The following LRGUK variants were observed in gnomAD, a reference collection of about 807,000 sequenced individuals.
LRGUK encodes leucine-rich repeat and guanylate kinase domain-containing protein.
Under a neutral mutation model 76.0 loss-of-function variants are expected in LRGUK, and 65 were observed. The ratio of observed to expected loss-of-function variants is 0.85; its 90% CI spans 0.70 to 1.05. LRGUK has a LOEUF of 1.05. Among genes scored for constraint, LRGUK ranks in the 50% least tolerant of loss-of-function variants. The probability of loss-of-function intolerance (pLI) is 0.00; values close to 1 mark genes in which losing one functional copy is unlikely to be tolerated. For synonymous variants in LRGUK, 268 were observed against 265.6 expected (o/e 1.01, Z -0.09); for missense variants, 758 against 732.8 (o/e 1.03, Z -0.40).
intron 1 of LRGUK, among the ~76,000 whole-genome samples, chr7:134,131,911 GCCA>G (rs1423128027): frequency 6.6e-6 from 1 of 152,126 alleles, no homozygotes; most frequent in Non-Finnish European, 1.5e-5. Flanking sequence ...GAGGGAAAAG[GCCA>G]CGAATAGACC....
intron 16 of LRGUK, among the ~76,000 whole-genome samples, chr7:134,238,182 T>C (rs1802058123): frequency 1.3e-5 from 2 of 152,340 alleles, no homozygotes; most frequent in East Asian, 3.9e-4. Flanking sequence ...AACACTGCTC[T>C]AGTTTTTTGT....
At chr7:134,192,990 T>A (rs1379099135) in intron 12 of LRGUK, among the ~76,000 whole-genome samples, 1 of 152,202 alleles carries the variant, frequency 6.6e-6, no homozygotes, top group Non-Finnish European at 1.5e-5. Flanking sequence ...GGCTTATTCT[T>A]CATTGTACAA....
chr7:134,249,032 T>C (rs1478770434), exon 18 of LRGUK: 1 of 1,599,688 alleles, frequency 6.3e-7, no homozygotes, highest in Non-Finnish European at 8.5e-7. Flanking sequence ...TTGATCTTTG[T>C]GAAGACTATT....
intron 7 of LRGUK, among the ~76,000 whole-genome samples, chr7:134,165,461 C>T (rs888993302): frequency 2.6e-5 from 4 of 152,076 alleles, no homozygotes; most frequent in African/African-American, 9.7e-5. Flanking sequence ...GTTGTAATGC[C>T]CCAATACAGT....
In LRGUK at chr7:134,221,780, T is replaced by TG; in HGVS notation, c.1846dup (p.Val616GlyfsTer2). 4 of 1,515,132 alleles carry TG rather than the reference T, an allele frequency of 2.6e-6. No individual in the cohort carries two copies. Among genetic ancestry groups the TG allele is most frequent in the Non-Finnish European group, 3.5e-6 (4 of 1,136,776 alleles). The allele number at this position is 1,515,132 out of a possible 1,614,324, so 93.9% of individuals were successfully genotyped here. Reference sequence around the variant, plus strand: ...AACTTTATTTTTTTTTCCTACCAGATGTTAAGACATCCCACCTGAAACCTG... The same window carrying TG: ...AACTTTATTTTTTTTTCCTACCAGATGGTTAAGACATCCCACCTGAAACCTG... On this transcript the variant is annotated frameshift_variant and splice_region_variant, in exon 16 of 20. Coordinates refer to the LRGUK transcript ENST00000285928. LOFTEE classifies it high-confidence loss of function.
At chr7:134,219,058 A>C (rs1440671929) in intron 15 of LRGUK, among the ~76,000 whole-genome samples, 3 of 152,228 alleles carry the variant, frequency 2.0e-5, no homozygotes. Context: ...AGTAGTTTAT[A>C]CATATTAAAA....
At chr7:134,209,151 C>T in exon 16 of LRGUK, 1 of 399,400 alleles carries the variant, frequency 2.5e-6, no homozygotes, top group Non-Finnish European at 4.4e-6. Context: ...CCTTCCCCTC[C>T]CTCGTCCCGC....
chr7:134,247,525 A>G (rs371563782), intron 16 of LRGUK, 31 bp from the exon 17 acceptor site: 125 of 1,493,568 alleles, frequency 8.4e-5, no homozygotes, highest in Non-Finnish European at 1.1e-4. Context: ...TTTAACATCA[A>G]TGCAATTTTC....
chr7:134,240,197 G>A (rs1802108914), intron 16 of LRGUK, among the ~76,000 whole-genome samples: 1 of 152,226 alleles, frequency 6.6e-6, no homozygotes, highest in Non-Finnish European at 1.5e-5. Flanking sequence ...AAGCTGGACG[G>A]AGAATGACTT....
intron 18 of LRGUK, among the ~76,000 whole-genome samples, chr7:134,251,888 A>G (rs1802455611): frequency 6.6e-6 from 1 of 152,096 alleles, no homozygotes; most frequent in South Asian, 2.1e-4. Context: ...GAAGTAGAGG[A>G]GAGATTTGTC....
intron 18 of LRGUK, among the ~76,000 whole-genome samples, chr7:134,252,713 T>G (rs1802479989): frequency 1.3e-5 from 2 of 152,188 alleles, no homozygotes; most frequent in Non-Finnish European, 2.9e-5. Context: ...GATTCCCAAG[T>G]GCACCAGTGC....
intron 7 of LRGUK, among the ~76,000 whole-genome samples, chr7:134,165,218 C>G (rs1039949031): frequency 6.6e-6 from 1 of 152,082 alleles, no homozygotes. Context: ...AGGCACTTTC[C>G]TAAGTACTTT....
chr7:134,150,970 T>TA (rs907919924), intron 5 of LRGUK, among the ~76,000 whole-genome samples: 5 of 152,142 alleles, frequency 3.3e-5, no homozygotes, highest in South Asian at 2.1e-4. Context: ...ACCTGTGTTT[T>TA]AAAAAATTCA....
At chr7:134,244,668 T>C (rs1802247404) in intron 16 of LRGUK, among the ~76,000 whole-genome samples, 1 of 152,154 alleles carries the variant, frequency 6.6e-6, no homozygotes, top group Admixed American at 6.5e-5. Context: ...CATCTAGAAC[T>C]AGAAATACCA....
At chr7:134,267,776 C>T (rs574118961), downstream of LRGUK, among the ~76,000 whole-genome samples, 6 of 152,112 alleles carry the variant, frequency 3.9e-5, no homozygotes, top group East Asian at 1.2e-3. Context: ...AGCGTGAAAA[C>T]GGACTAATAC....
At chr7:134,195,333 GT>G (rs1173681148) in intron 12 of LRGUK, among the ~76,000 whole-genome samples, 3 of 152,172 alleles carry the variant, frequency 2.0e-5, no homozygotes, top group Non-Finnish European at 4.4e-5. Context: ...AAGGGAGTTT[GT>G]TTTGGGAAAG....
At chr7:134,234,279 G>A (rs2117180182) in intron 16 of LRGUK, among the ~76,000 whole-genome samples, 1 of 151,890 alleles carries the variant, frequency 6.6e-6, no homozygotes, top group Admixed American at 6.6e-5. Context: ...CAGTCTCTTG[G>A]TGATGTCACA....
At chr7:134,167,033 G>A (rs1799019580) in intron 7 of LRGUK, among the ~76,000 whole-genome samples, 1 of 152,156 alleles carries the variant, frequency 6.6e-6, no homozygotes, top group African/African-American at 2.4e-5. Flanking sequence ...GGCCTCCAGG[G>A]GCTGACAACA....
At chr7:134,256,492 G>A (rs562465790) in intron 18 of LRGUK, among the ~76,000 whole-genome samples, 2 of 146,814 alleles carry the variant, frequency 1.4e-5, no homozygotes, top group South Asian at 4.3e-4. Flanking sequence ...TCCACTCCTT[G>A]TCTTTTTCCG....
Sources: allele counts gnomAD v4.1 joint callset (sites outside exome capture counted in the v4.1 genomes callset), GRCh38; gene constraint gnomAD v4.1.1; transcripts MANE v1.5; gene names NCBI Gene and HGNC (gene_info 2026-07-23, HGNC 2026-07-21).